Variants in USP49 observed in about 807,000 individuals in gnomAD.
USP49 encodes ubiquitin specific peptidase 49.
USP49 carries 24 observed loss-of-function variants against 58.6 expected under a neutral mutation model. That is an observed-to-expected ratio of 0.41 (90% CI 0.30 to 0.58). The LOEUF (loss-of-function observed/expected upper bound fraction) is 0.58. USP49 is among the 20% of genes least tolerant of loss of function. The pLI is 0.30. For missense variants in USP49, 703 were observed against 866.1 expected (o/e 0.81, Z 2.36); for synonymous variants, 408 against 365.1 (o/e 1.12, Z -1.34).
intron 3 of USP49, among the ~76,000 whole-genome samples, chr6:41,861,851 A>G (rs867994361): frequency 6.6e-6 from 1 of 152,010 alleles, no homozygotes; most frequent in Non-Finnish European, 1.5e-5. Context: ...GGTGCACACC[A>G]CCATGCCCGG....
intron 3 of USP49, among the ~76,000 whole-genome samples, chr6:41,815,438 G>C (rs1015404506): frequency 8.6e-5 from 13 of 151,676 alleles, no homozygotes; most frequent in Non-Finnish European, 7.4e-5. Context: ...AAAAAAGAGT[G>C]GGGGGCAGAG....
intron 2 of USP49, among the ~76,000 whole-genome samples, chr6:41,890,783 T>G (rs1456479024): frequency 6.6e-6 from 1 of 152,210 alleles, no homozygotes; most frequent in Non-Finnish European, 1.5e-5. Context: ...CAGATTTTGC[T>G]TATGGATATT....
chr6:41,882,212 G>A (rs1774620606), intron 2 of USP49, among the ~76,000 whole-genome samples: 1 of 152,128 alleles, frequency 6.6e-6, no homozygotes, highest in Non-Finnish European at 1.5e-5. Flanking sequence ...CAATGACAGG[G>A]CAACACTACT....
intron 3 of USP49, among the ~76,000 whole-genome samples, chr6:41,828,426 G>C (rs1254743592): frequency 6.6e-6 from 1 of 152,178 alleles, no homozygotes; most frequent in Non-Finnish European, 1.5e-5. Context: ...TCCAGCCTGG[G>C]AGACAGAGCA....
In USP49 at chr6:41,796,617, G is replaced by A. The variant is rs1470854094; in HGVS notation, c.1983C>T (p.Gly661=). 5 of 717,452 alleles carry A rather than the reference G, an allele frequency of 7.0e-6. No homozygotes were observed. The highest frequency in any genetic ancestry group is 3.0e-5 in the South Asian group (2 of 67,604). 44.4% of individuals were successfully genotyped at this position (717,452 alleles called of 1,614,324 possible). A position where few individuals can be genotyped will look rare whatever the true frequency, so the allele number is the denominator to read the frequency against. ...GATGGGTTTCTGAGATTCTTGCATTGCCCTGCACTGTTCTTTGAGTGTAAA... is the reference window on the plus strand; with the variant it reads ...GATGGGTTTCTGAGATTCTTGCATTACCCTGCACTGTTCTTTGAGTGTAAA... ...ILFYTQRTVQ[G]NARISETHLQ... is the part of the protein sequence containing the mutation. The change falls in exon 8 of 8, where the codon GGC becomes GGT. Residue 661 remains glycine (G), a synonymous_variant. Coordinates refer to ENST00000682992, the MANE Select transcript of USP49 (RefSeq NM_001286554.2).
intron 3 of USP49, among the ~76,000 whole-genome samples, chr6:41,853,271 C>T (rs1774062771): frequency 1.3e-5 from 2 of 151,968 alleles, no homozygotes; most frequent in Admixed American, 6.6e-5. Flanking sequence ...TGAAATATGC[C>T]CATCGGAAAA....
At chr6:41,832,665 C>T (rs1773655380) in intron 3 of USP49, among the ~76,000 whole-genome samples, 1 of 152,088 alleles carries the variant, frequency 6.6e-6, no homozygotes. Flanking sequence ...GTATTTTTGG[C>T]AAGCACTTTA....
chr6:41,886,494 T>C (rs1256106525), intron 2 of USP49: 3 of 152,246 alleles, frequency 2.0e-5, no homozygotes, highest in Admixed American at 2.0e-4. Context: ...GAGAATCTAA[T>C]TAGCTCTAAC....
Position 41,891,453 on chromosome 6 carries a change from C to CCTA in USP49, c.-103+338_-103+340dup, listed in dbSNP as rs549055851. Reference sequence around the variant, plus strand: ...CTGTAAAATGAGAATAGTAATAGTACCTACCTCACAGGATTGCCATTGAGG... The same window carrying CCTA: ...CTGTAAAATGAGAATAGTAATAGTACCTACTACCTCACAGGATTGCCATTGAGG... On this transcript the variant is annotated intron_variant, in intron 2 of 7. Coordinates refer to ENST00000682992, the MANE Select transcript of USP49 (RefSeq NM_001286554.2). 3.7e-3 allele frequency among the ~76,000 whole-genome samples: 558 copies of CCTA among 152,272 alleles called. 4 individuals are homozygous for CCTA. The highest frequency in any genetic ancestry group is 0.012 in the African/African-American group (515 of 41,534).
At chr6:41,856,101 C>T (rs549427684) in intron 3 of USP49, among the ~76,000 whole-genome samples, 19 of 151,440 alleles carry the variant, frequency 1.3e-4, no homozygotes, top group African/African-American at 4.6e-4. Flanking sequence ...AGGCCGGGCG[C>T]TGTGGCTTAT....
rs576966732 is a variant in USP49 at position 41,882,686 on chromosome 6, G to A, written c.-103+9108C>T. ...AATCCCAGCACTTTGGGAGGCCGAG[G>A]CGGGCACATCATGAGGTCAGGAGAT... is the stretch of plus-strand genomic sequence containing the variant. On this transcript the variant is annotated intron_variant, in intron 2 of 7. Transcript: ENST00000682992. 1.2e-4 allele frequency among the ~76,000 whole-genome samples: 19 copies of A among 152,326 alleles called. No homozygotes were observed. The South Asian group carries it at 3.9e-3, about 32-fold the overall frequency.
Position 41,796,325 on chromosome 6 carries a change from G to T in USP49, c.*208C>A. The T allele has an allele frequency of 6.1e-6, 3 of 491,210 alleles. No individual in the cohort carries two copies. Among genetic ancestry groups the T allele is most frequent in the East Asian group, 3.0e-5 (1 of 33,088 alleles). The allele number at this position is 491,210 out of a possible 1,614,324, so 30.4% of individuals were successfully genotyped here. ...GATCTTCATAGAAGTTACTTCTTTT[G>T]TTTTTAGGAAAGGAGGGAACTCCCA... is the stretch of plus-strand genomic sequence containing the variant. On this transcript the variant is annotated 3_prime_UTR_variant, in exon 8 of 8. Transcript: ENST00000682992.
chr6:41,806,470 G>T lies in USP49; in HGVS notation c.514C>A (p.Arg172=). 1 of 1,596,070 alleles carries T rather than the reference G, an allele frequency of 6.3e-7. No homozygotes were observed. The highest frequency in any genetic ancestry group is 1.7e-5 in the Admixed American group (1 of 59,618). The part of the protein sequence containing the change: ...SSRGQAKLEQ[R]RQEEALERKK... ...CGCTCCAGGGCCTCCTCCTGCCGCC[G>T]CTGCTCCAGCTTCGCCTGGCCCCGG... Residue 172 remains arginine (R), a synonymous_variant, in exon 4 of 8, where the codon CGG becomes AGG. Coordinates refer to ENST00000682992, the MANE Select transcript of USP49 (RefSeq NM_001286554.2). The surrounding 1 kb of genome is among the most constrained non-coding windows in gnomAD (Gnocchi z 5.9).
At chr6:41,869,107 A>AC (rs1774372784) in intron 3 of USP49, among the ~76,000 whole-genome samples, 1 of 146,298 alleles carries the variant, frequency 6.8e-6, no homozygotes, top group Admixed American at 6.9e-5. Context: ...TAATTTTAAC[A>AC]CCGAGATAAC....
intron 3 of USP49, among the ~76,000 whole-genome samples, chr6:41,833,563 G>T (rs1032452378): frequency 1.3e-5 from 2 of 152,148 alleles, no homozygotes; most frequent in South Asian, 4.1e-4. Flanking sequence ...AACAATTTTT[G>T]AAAGATTTTA....
intron 3 of USP49, among the ~76,000 whole-genome samples, chr6:41,857,085 T>C (rs1774144539): frequency 6.6e-6 from 1 of 152,148 alleles, no homozygotes; most frequent in African/African-American, 2.4e-5. Flanking sequence ...CTGGTAGGGA[T>C]CTGCTGGCTA....
chr6:41,849,492 T>C (rs530393013), intron 3 of USP49, among the ~76,000 whole-genome samples: 65 of 152,176 alleles, frequency 4.3e-4, no homozygotes, highest in Non-Finnish European at 7.6e-4. Context: ...AACAGCAGAA[T>C]ATACATTCTT....
intron 1 of USP49, among the ~76,000 whole-genome samples, chr6:41,892,708 A>T (rs566558468): frequency 2.0e-4 from 30 of 152,320 alleles, no homozygotes; most frequent in Admixed American, 6.5e-4. Flanking sequence ...TTTGTTATTT[A>T]TACAAACACC....
intron 3 of USP49, among the ~76,000 whole-genome samples, chr6:41,870,261 C>T (rs184204293): frequency 9.2e-5 from 14 of 152,156 alleles, no homozygotes; most frequent in African/African-American, 3.1e-4. Flanking sequence ...ACCTTATATC[C>T]AAGGAATTGA....
Sources: allele counts gnomAD v4.1 joint callset (sites outside exome capture counted in the v4.1 genomes callset), GRCh38; gene constraint gnomAD v4.1.1; non-coding constraint Gnocchi (gnomAD v3.1); transcripts MANE v1.5; gene names NCBI Gene and HGNC (gene_info 2026-07-23, HGNC 2026-07-21).